The following ZC3H4 variants were observed in gnomAD, a reference collection of about 807,000 sequenced individuals.
ZC3H4 encodes the protein zinc finger CCCH-type containing 4.
Under a neutral mutation model 108.3 loss-of-function variants are expected in ZC3H4, and 13 were observed. The observed-to-expected ratio is 0.12, with a 90% CI of 0.08 to 0.19. The LOEUF (loss-of-function observed/expected upper bound fraction) is 0.19. Ranked by LOEUF, ZC3H4 falls within the 10% of genes least tolerant of loss-of-function variation. The pLI, the probability that ZC3H4 is intolerant of heterozygous loss-of-function variation, is 1.00. For missense variants in ZC3H4, 1,734 were observed against 1,838.8 expected (o/e 0.94, Z 1.04); for synonymous variants, 917 against 749.6 (o/e 1.22, Z -3.65).
chr19:47,071,178 G>A (rs1472779010), intron 13 of ZC3H4, among the ~76,000 whole-genome samples: 1 of 152,088 alleles, frequency 6.6e-6, no homozygotes, highest in African/African-American at 2.4e-5. Flanking sequence ...CTATCTACAC[G>A]CTTGCCACCT....
intron 2 of ZC3H4, among the ~76,000 whole-genome samples, chr19:47,097,180 T>C (rs2057836203): frequency 6.6e-6 from 1 of 152,194 alleles, no homozygotes; most frequent in African/African-American, 2.4e-5. Context: ...TTCTGCACAT[T>C]ATCGATATTA....
chr19:47,089,204 CAAAAAAAAAA>C (rs888647856), intron 5 of ZC3H4, among the ~76,000 whole-genome samples: 4 of 26,838 alleles, frequency 1.5e-4, no homozygotes, highest in South Asian at 1.5e-3. Flanking sequence ...GACTCCGTCT[CAAAAAAAAAA>C]AAAAAAAAAA....
chr19:47,067,462 C>T lies in ZC3H4; in HGVS notation c.2806G>A (p.Ala936Thr). 3.8e-6 allele frequency: 6 copies of T among 1,585,606 alleles called. No individual in the cohort carries two copies. The South Asian group carries it at 6.9e-5, about 18-fold the overall frequency. The change falls in exon 15 of 15, where the codon GCC (alanine) becomes ACC (threonine). Residue 936 changes from alanine to threonine, a missense_variant. This residue lies in a region of ZC3H4 where 540 missense variants were observed against 484.1 expected (regional missense o/e 1.12). Coordinates refer to ENST00000253048, the MANE Select transcript of ZC3H4 (RefSeq NM_015168.2). The surrounding 1 kb of genome is among the most constrained non-coding windows in gnomAD (Gnocchi z 6.4). ...AGTGGGTCCAGGGGAATGTTCACGGCCTTCTCCCGCAGGGCCCGCTCCCCT... is the reference window on the plus strand; with the variant it reads ...AGTGGGTCCAGGGGAATGTTCACGGTCTTCTCCCGCAGGGCCCGCTCCCCT... ...EEGERALREK[A>T]VNIPLDPLPG...
chr19:47,111,132 C>A (rs958766399), intron 2 of ZC3H4, among the ~76,000 whole-genome samples: 1 of 152,148 alleles, frequency 6.6e-6, no homozygotes, highest in African/African-American at 2.4e-5. Context: ...CCCCTCTCCA[C>A]CCCCATTCCC....
Position 47,076,819 on chromosome 19 carries a change from C to A in ZC3H4, c.1441-4106G>T, listed in dbSNP as rs192545443. 1.7e-3 allele frequency among the ~76,000 whole-genome samples: 258 copies of A among 152,136 alleles called. 1 individual carries two copies. Among genetic ancestry groups the A allele is most frequent in the Non-Finnish European group, 2.8e-3 (193 of 67,986 alleles). ...ACCAGCCTGATCAACATGGTGAAAC[C>A]CTGTCTCTACTAAATATATAAAAAT... On this transcript the variant is annotated intron_variant, in intron 11 of 14. Coordinates refer to ENST00000253048, the MANE Select transcript of ZC3H4 (RefSeq NM_015168.2).
intron 11 of ZC3H4, among the ~76,000 whole-genome samples, chr19:47,079,760 G>A (rs549584175): frequency 1.2e-4 from 19 of 152,294 alleles, no homozygotes; most frequent in African/African-American, 1.7e-4. Flanking sequence ...AGCGGCATGC[G>A]CCTGTAGTCC....
At chr19:47,108,942 T>C (rs894474104) in intron 2 of ZC3H4, among the ~76,000 whole-genome samples, 10 of 152,176 alleles carry the variant, frequency 6.6e-5, no homozygotes, top group Non-Finnish European at 1.5e-4. Context: ...AGAACATCCA[T>C]ATTTCCATGG....
chr19:47,112,670 T>G (rs780714927), intron 1 of ZC3H4, 81 bp from the exon 2 acceptor site: 4 of 903,940 alleles, frequency 4.4e-6, no homozygotes, highest in Non-Finnish European at 5.8e-6. Context: ...CTCGGAGGGC[T>G]CCTGATGGGA....
At chr19:47,076,890 G>C (rs1285078659) in intron 11 of ZC3H4, among the ~76,000 whole-genome samples, 1 of 152,146 alleles carries the variant, frequency 6.6e-6, no homozygotes, top group Non-Finnish European at 1.5e-5. Flanking sequence ...CTACTCAGGA[G>C]GCTGAGGCAG....
At chr19:47,112,272 G>C (rs912655581) in intron 2 of ZC3H4, 152 bp downstream of exon 2, 1 of 1,123,488 alleles carries the variant, frequency 8.9e-7, no homozygotes, top group Non-Finnish European at 1.1e-6. Context: ...GAGCGAGCAA[G>C]CGATCGAGAG....
In ZC3H4 at chr19:47,112,564, G is replaced by T. The variant is rs867554931; in HGVS notation, c.21C>A (p.Thr7=). 4 of 1,059,650 alleles carry T rather than the reference G, an allele frequency of 3.8e-6. No homozygotes were observed. Among genetic ancestry groups the T allele is most frequent in the Non-Finnish European group, 4.8e-6 (4 of 826,008 alleles). 65.6% of individuals were successfully genotyped at this position (1,059,650 alleles called of 1,614,324 possible). ...GCGACTCTGATGGCGGCGGCGGGGG[G>T]GTCCCGGGCGCGGCCTCCATAGTTC... The part of the protein sequence containing the change: MEAAPG[T]PPPPPSESPP... The change falls in exon 2 of 15, where the codon ACC becomes ACA. Residue 7 remains threonine, a synonymous_variant. Coordinates refer to ENST00000253048, the MANE Select transcript of ZC3H4 (RefSeq NM_015168.2).
chr19:47,075,382 G>T (rs2057401765), intron 11 of ZC3H4, among the ~76,000 whole-genome samples: 1 of 152,056 alleles, frequency 6.6e-6, no homozygotes, highest in South Asian at 2.1e-4. Flanking sequence ...CTTCCTCCTG[G>T]CCCAAGGGCC....
At chr19:47,084,925 C>T (rs2057589125) in intron 8 of ZC3H4, 131 bp downstream of exon 8, 1 of 1,246,812 alleles carries the variant, frequency 8.0e-7, no homozygotes, top group Admixed American at 2.0e-5. Flanking sequence ...TTATGCTGGT[C>T]AACACTGGCC....
At chr19:47,069,033 G>A (rs994797956) in intron 14 of ZC3H4, 59 bp downstream of exon 14, 31 of 1,597,168 alleles carry the variant, frequency 1.9e-5, no homozygotes, top group Admixed American at 1.0e-4. Flanking sequence ...CCCCACCACC[G>A]CCGCTCCCCT....
At chr19:47,079,909 A>G (rs1474169830) in intron 11 of ZC3H4, among the ~76,000 whole-genome samples, 2 of 151,900 alleles carry the variant, frequency 1.3e-5, no homozygotes, top group East Asian at 3.9e-4. Flanking sequence ...AAACAAAAAA[A>G]CCCTAGGGCA....
chr19:47,080,253 A>G (rs896866539), intron 11 of ZC3H4, among the ~76,000 whole-genome samples: 1 of 152,188 alleles, frequency 6.6e-6, no homozygotes, highest in African/African-American at 2.4e-5. Flanking sequence ...TTGGGTATTT[A>G]ACCCTAACCC....
intron 2 of ZC3H4, among the ~76,000 whole-genome samples, chr19:47,107,006 A>G (rs923364830): frequency 1.3e-5 from 2 of 152,196 alleles, no homozygotes; most frequent in African/African-American, 4.8e-5. Flanking sequence ...CTGAGACTAC[A>G]GCACTGACTC....
At chr19:47,106,632 A>G (rs1206898361) in intron 2 of ZC3H4, among the ~76,000 whole-genome samples, 1 of 152,228 alleles carries the variant, frequency 6.6e-6, no homozygotes, top group Admixed American at 6.5e-5. Context: ...AAGCAGCAGC[A>G]GCAACCCTTT....
chr19:47,075,482 C>T (rs565833750), intron 11 of ZC3H4, among the ~76,000 whole-genome samples: 28 of 152,218 alleles, frequency 1.8e-4, no homozygotes, highest in Admixed American at 1.2e-3. Context: ...CCCACTGCCG[C>T]ACATCCTGGG....
Sources: allele counts gnomAD v4.1 joint callset (sites outside exome capture counted in the v4.1 genomes callset), GRCh38; gene constraint gnomAD v4.1.1; regional missense constraint gnomAD v4.1.1; non-coding constraint Gnocchi (gnomAD v3.1); transcripts MANE v1.5; gene names NCBI Gene and HGNC (gene_info 2026-07-23, HGNC 2026-07-21).